MGAM: variants seen among roughly 807,000 people sequenced by gnomAD.
MGAM encodes alpha-1,4-glucosidase.
MGAM carries 253 observed loss-of-function variants against 358.8 expected under a neutral mutation model. The observed-to-expected ratio is 0.71, with a 90% CI of 0.64 to 0.78. The LOEUF (loss-of-function observed/expected upper bound fraction) is 0.78. Ranked by LOEUF, MGAM falls within the 30% of genes least tolerant of loss-of-function variation. The pLI is 0.00. For missense variants in MGAM, 3,080 were observed against 3,432.6 expected (o/e 0.90, Z 2.57); for synonymous variants, 1,105 against 1,227.1 (o/e 0.90, Z 2.08).
At position 142,005,556 on chromosome 7, in the gene MGAM, T is replaced by G; in HGVS notation, c.26T>G (p.Phe9Cys). The G allele has an allele frequency of 6.4e-7, 1 of 1,560,494 alleles. No individual in the cohort carries two copies. The highest frequency in any genetic ancestry group is 8.6e-7 in the Non-Finnish European group (1 of 1,156,560). The change falls in exon 2 of 71, where the codon TTT becomes TGT. Residue 9 changes from phenylalanine (F) to cysteine (C), a missense_variant. Physicochemically the swap from Phe to Cys is radical, Grantham distance 205. This residue lies in a region of MGAM where 1,816 missense variants were observed against 1,840.5 expected (regional missense o/e 0.99). Coordinates refer to ENST00000475668, the MANE Select transcript of MGAM (RefSeq NM_001365693.1). Reference protein sequence around the residue: MARKKLKKFTTLEIVLSVL... With the variant: MARKKLKKCTTLEIVLSVL... ...ATGGCAAGAAAGAAGCTGAAAAAATTTACTACTTTGGAGATTGTGCTCAGT... is the reference window on the plus strand; with the variant it reads ...ATGGCAAGAAAGAAGCTGAAAAAATGTACTACTTTGGAGATTGTGCTCAGT...
rs1318942215 is a variant in MGAM, at chr7:142,064,398, G to A, written c.4360G>A (p.Asp1454Asn). ...PPYMPHLESR[D>N]RGLSSKTLCM... is the part of the protein sequence containing the mutation. ...TTCCTCCTCAGATTTGGAGTCCAGG[G>A]ACAGGGGCCTGAGCAGCAAGACCCT... The change falls in exon 37 of 71, where the codon GAC becomes AAC. Residue 1454 changes from aspartate (D) to asparagine (N), a missense_variant. Asp to Asn is a conservative substitution (Grantham distance 23, BLOSUM62 1). Transcript: ENST00000475668. 2 of 1,608,440 alleles carry A rather than the reference G, an allele frequency of 1.2e-6. No individual in the cohort carries two copies. Among genetic ancestry groups the A allele is most frequent in the East Asian group, 2.2e-5 (1 of 44,716 alleles).
Position 142,027,733 on chromosome 7 carries a change from T to A in MGAM, c.1219T>A (p.Tyr407Asn), listed in dbSNP as rs782139481. The change falls in exon 10 of 71, where the codon TAT becomes AAT. Residue 407 changes from tyrosine (Y) to asparagine (N), a missense_variant and splice_region_variant. This residue lies in a region of MGAM where 1,816 missense variants were observed against 1,840.5 expected (regional missense o/e 0.99). Transcript: ENST00000475668. ...VERNRAAQLP[Y>N]DVQHADIDYM... Reference sequence around the variant, plus strand: ...GAGAAATCGCGCAGCACAGCTCCCTTATGTAAGCAAGGTTTTCAACAGTTC... The same window carrying A: ...GAGAAATCGCGCAGCACAGCTCCCTAATGTAAGCAAGGTTTTCAACAGTTC... 1 of 1,601,262 alleles carries A rather than the reference T, an allele frequency of 6.2e-7. No homozygotes were observed. Among genetic ancestry groups the A allele is most frequent in the Non-Finnish European group, 8.5e-7 (1 of 1,173,678 alleles).
At chr7:142,036,319 T>G (rs964547829) in intron 17 of MGAM, 34 bp downstream of exon 17, 1 of 1,500,054 alleles carries the variant, frequency 6.7e-7, no homozygotes, top group Middle Eastern at 1.7e-4. Flanking sequence ...CAGAATAAAT[T>G]TGGCATACAT....
At chr7:142,039,085 G>C (rs150257940) in intron 19 of MGAM, among the ~76,000 whole-genome samples, 5 of 150,996 alleles carry the variant, frequency 3.3e-5, no homozygotes, top group East Asian at 1.9e-4. Flanking sequence ...AAGACGGGGT[G>C]GGGGGAGTTG....
In MGAM at chr7:142,070,454, T is replaced by C. The variant is rs1585054618; in HGVS notation, c.5062-540T>C. Among the ~76,000 whole-genome samples, 4 of 146,116 alleles carry C rather than the reference T, an allele frequency of 2.7e-5. No homozygotes were observed. The South Asian group carries it at 8.7e-4, about 32-fold the overall frequency. On this transcript the variant is annotated intron_variant, in intron 43 of 70. Transcript: ENST00000475668. ...TTGTCAACAATAACTGCTTCTTACCTGTAAAGTAGCAGCTCTGAAATGAGA... is the reference window on the plus strand; with the variant it reads ...TTGTCAACAATAACTGCTTCTTACCCGTAAAGTAGCAGCTCTGAAATGAGA...
intron 21 of MGAM, among the ~76,000 whole-genome samples, chr7:142,045,365 TA>T (rs1298738248): frequency 9.5e-6 from 1 of 105,122 alleles, no homozygotes; most frequent in Non-Finnish European, 1.8e-5. Flanking sequence ...ACATGATATA[TA>T]ATATATATTA....
rs754468201 is a variant in MGAM at position 142,074,641 on chromosome 7, T to C, written c.5275+468T>C. On this transcript the variant is annotated intron_variant, in intron 45 of 70. Transcript: ENST00000475668. ...TACTAACAATTCTTGTTCTTCAAGT[T>C]TAGGAAATAGATTCCTTTGAAGCAT... Among the ~76,000 whole-genome samples, 4 of 146,262 alleles carry C rather than the reference T, an allele frequency of 2.7e-5. 2 individuals carry two copies. The Admixed American group carries it at 2.7e-4, about 10-fold the overall frequency.
In MGAM at chr7:142,076,929, T is replaced by C. The variant is rs115258249; in HGVS notation, c.5493+103T>C. ...TGGGTCCCTGAAGTACCAGGGCACC[T>C]TTGATGCATGTTTTGGGGAATTGAG... On this transcript the variant is annotated intron_variant, in intron 47 of 70. Transcript: ENST00000475668. 9.7e-3 allele frequency: 12,362 copies of C among 1,278,290 alleles called. 1,465 individuals carry two copies. The highest frequency in any genetic ancestry group is 0.088 in the South Asian group (6,885 of 77,920). 79.2% of individuals were successfully genotyped at this position (1,278,290 alleles called of 1,614,324 possible).
chr7:142,045,254 A>G (rs1427338986), intron 21 of MGAM, among the ~76,000 whole-genome samples: 1 of 80,234 alleles, frequency 1.2e-5, no homozygotes, highest in East Asian at 3.4e-4. Flanking sequence ...AATATATGAT[A>G]TATAATATAT....
chr7:142,059,245 C>T (rs1404797054), intron 31 of MGAM, among the ~76,000 whole-genome samples: 1 of 152,226 alleles, frequency 6.6e-6, no homozygotes. Flanking sequence ...GAGACGCATT[C>T]TCATCCTAGC....
At position 142,019,209 on chromosome 7, in the gene MGAM, A is replaced by G; in HGVS notation, c.338A>G (p.Asp113Gly). 1 of 1,613,350 alleles carries G rather than the reference A, an allele frequency of 6.2e-7. No homozygotes were observed. Among genetic ancestry groups the G allele is most frequent in the Non-Finnish European group, 8.5e-7 (1 of 1,179,560 alleles). The change falls in exon 4 of 71, where the codon GAC becomes GGC. Residue 113 changes from aspartate (D) to glycine (G), a missense_variant. Physicochemically the swap from Asp to Gly is moderately conservative, Grantham distance 94. Coordinates refer to ENST00000475668, the MANE Select transcript of MGAM (RefSeq NM_001365693.1). The part of the protein sequence containing the change: ...PDQPPTKATC[D>G]QRGCCWNPQG... ...AACCTCTTGTTTCAGGCCACATGTG[A>G]CCAACGTGGCTGTTGCTGGAATCCC...
rs1486345770 is a variant in MGAM at position 142,044,155 on chromosome 7, ACG to A, written c.2498+3310_2498+3311del. 1.5e-4 allele frequency among the ~76,000 whole-genome samples: 22 copies of A among 144,358 alleles called. 3 individuals carry two copies. The highest frequency in any genetic ancestry group is 1.0e-3 in the East Asian group (5 of 4,992). 94.7% of individuals were successfully genotyped at this position (144,358 alleles called of 152,430 possible). On this transcript the variant is annotated intron_variant, in intron 21 of 70. Coordinates refer to ENST00000475668, the MANE Select transcript of MGAM (RefSeq NM_001365693.1). ...AATATGTACATTATATACACATACG[ACG>A]TATAATATATACATTATATACACAT...
chr7:142,052,868 G>A lies in MGAM; in HGVS notation c.3043G>A (p.Ala1015Thr), dbSNP rs1397484459. The A allele has an allele frequency of 3.1e-6, 5 of 1,613,822 alleles. No homozygotes were observed. The South Asian group carries it at 4.4e-5, about 14-fold the overall frequency. ...VSDVQYNSHG[A>T]TADISLKSSV... is the part of the protein sequence containing the mutation. ...TGATGTTCAGTATAATTCCCATGGG[G>A]CCACAGCTGACATCTCCTTAAAGTC... is the stretch of plus-strand genomic sequence containing the variant. The change falls in exon 26 of 71, where the codon GCC becomes ACC. Residue 1015 changes from alanine to threonine, a missense_variant. Physicochemically the swap from Ala to Thr is moderately conservative, Grantham distance 58. This residue lies in a region of MGAM where 1,816 missense variants were observed against 1,840.5 expected (regional missense o/e 0.99). Transcript: ENST00000475668.
rs543086613 is a variant in MGAM, at chr7:142,095,514, C to A, written c.7459-51C>A. ...TATGCTTTCAGTGACCTTCTTAAAT[C>A]CCCTAGAAATTCCAGGGCAAGCTCC... On this transcript the variant is annotated intron_variant, in intron 63 of 70. Transcript: ENST00000475668. 20 of 1,610,234 alleles carry A rather than the reference C, an allele frequency of 1.2e-5. No homozygotes were observed. In the African/African-American group the frequency reaches 1.3e-4, roughly 11 times the overall value.
At chr7:142,058,949 G>A (rs1323318500) in intron 31 of MGAM, among the ~76,000 whole-genome samples, 2 of 152,188 alleles carry the variant, frequency 1.3e-5, no homozygotes, top group Non-Finnish European at 2.9e-5. Flanking sequence ...GTGGAATGTA[G>A]TGTTTCCATT....
At chr7:142,087,060 A>G (rs1352949644) in intron 57 of MGAM, among the ~76,000 whole-genome samples, 1 of 104,870 alleles carries the variant, frequency 9.5e-6, no homozygotes, top group Non-Finnish European at 2.2e-5. Flanking sequence ...TAGCAGTGCC[A>G]TCTTTTCTCT....
intron 3 of MGAM, among the ~76,000 whole-genome samples, chr7:142,010,952 A>G (rs1805546829): frequency 6.6e-6 from 1 of 152,184 alleles, no homozygotes; most frequent in African/African-American, 2.4e-5. Context: ...GAGCAGGAAT[A>G]TTTCATCAAA....
At chr7:142,098,176 C>T (rs1440790369) in intron 66 of MGAM, among the ~76,000 whole-genome samples, 3 of 151,770 alleles carry the variant, frequency 2.0e-5, no homozygotes, top group East Asian at 2.0e-4. Context: ...GGGACCCAAC[C>T]CTTGTGAGTC....
chr7:142,045,182 TATATG>T (rs1321627599), intron 21 of MGAM, among the ~76,000 whole-genome samples: 1,947 of 78,688 alleles, frequency 0.025, 160 homozygotes, highest in African/African-American at 0.1. Context: ...TTATATAACA[TATATG>T]ATATATAATA....
Sources: gnomAD v4.1 joint callset for allele counts (sites outside exome capture counted in the v4.1 genomes callset) on GRCh38, gnomAD v4.1.1 for gene constraint, gnomAD v4.1.1 regional missense constraint, MANE v1.5 for transcripts, NCBI Gene and HGNC (gene_info 2026-07-23, HGNC 2026-07-21) for gene names.